Variants in GRIA1 observed in about 807,000 individuals in gnomAD.
GRIA1 encodes glutamate receptor 1.
Under a neutral mutation model 99.2 loss-of-function variants are expected in GRIA1, and 31 were observed. The ratio of observed to expected loss-of-function variants is 0.31; its 90% CI spans 0.23 to 0.42. GRIA1 has a LOEUF of 0.42. GRIA1 is among the 10% of genes least tolerant of loss of function. The probability of loss-of-function intolerance (pLI) is 1.00; values close to 1 mark genes in which losing one functional copy is unlikely to be tolerated. For synonymous variants in GRIA1, 438 were observed against 432.4 expected (o/e 1.01, Z -0.16); for missense variants, 782 against 1,157.5 (o/e 0.68, Z 4.71).
chr5:153,538,060 AATC>A (rs1758744212), intron 2 of GRIA1, among the ~76,000 whole-genome samples: 1 of 152,204 alleles, frequency 6.6e-6, no homozygotes, highest in Non-Finnish European at 1.5e-5. Context: ...GATTTGTTCT[AATC>A]ATCATCCTAT....
intron 11 of GRIA1, among the ~76,000 whole-genome samples, chr5:153,749,035 T>C (rs1029734747): frequency 6.6e-6 from 1 of 152,032 alleles, no homozygotes; most frequent in Non-Finnish European, 1.5e-5. Flanking sequence ...GGCTTGAGCT[T>C]TGGGCACAGC....
chr5:153,594,861 G>A lies in GRIA1; in HGVS notation c.221-52067G>A, dbSNP rs561998367. 1.3e-4 allele frequency among the ~76,000 whole-genome samples: 19 copies of A among 151,956 alleles called. 2 individuals carry two copies. Among genetic ancestry groups the A allele is most frequent in the African/African-American group, 4.6e-4 (19 of 41,448 alleles). ...CCTGGCTGCATAGGCTAGGGCAGGG[G>A]CTCTGGGGCTTTCCACCAGGTTTTA... On this transcript the variant is annotated intron_variant, in intron 2 of 15. Coordinates refer to ENST00000285900, the MANE Select transcript of GRIA1 (RefSeq NM_000827.4).
intron 4 of GRIA1, among the ~76,000 whole-genome samples, chr5:153,654,065 C>T (rs532467227): frequency 8.1e-4 from 123 of 152,266 alleles, no homozygotes; most frequent in Non-Finnish European, 1.4e-3. Context: ...ATATATTTAT[C>T]TGTTCACCTA....
At chr5:153,599,381 A>G (rs1024135629) in intron 2 of GRIA1, among the ~76,000 whole-genome samples, 1 of 152,200 alleles carries the variant, frequency 6.6e-6, no homozygotes, top group Non-Finnish European at 1.5e-5. Context: ...AATCTTGCTG[A>G]TGGCACTTAG....
chr5:153,574,405 G>A (rs1383373850), intron 2 of GRIA1: 2 of 151,930 alleles, frequency 1.3e-5, no homozygotes, highest in Admixed American at 1.3e-4. Flanking sequence ...AGGGTTTTTT[G>A]TTTTAATAAT....
chr5:153,645,962 T>C (rs762602998), intron 2 of GRIA1, among the ~76,000 whole-genome samples: 153 of 152,224 alleles, frequency 1.0e-3, no homozygotes, highest in Non-Finnish European at 1.8e-3. Context: ...TTTTTAGGCA[T>C]TGAAGATGGC....
At chr5:153,712,863 C>T (rs761399696) in intron 11 of GRIA1, among the ~76,000 whole-genome samples, 3 of 152,280 alleles carry the variant, frequency 2.0e-5, no homozygotes, top group Non-Finnish European at 2.9e-5. Context: ...TGTCCAAATG[C>T]AGGTTCTCAG....
At chr5:153,602,464 G>A (rs1247134602) in intron 2 of GRIA1, among the ~76,000 whole-genome samples, 2 of 151,630 alleles carry the variant, frequency 1.3e-5, no homozygotes, top group Admixed American at 6.6e-5. Flanking sequence ...ACACCAGCAT[G>A]GCACATGTAT....
At chr5:153,773,758 A>C (rs1461385913) in intron 13 of GRIA1, among the ~76,000 whole-genome samples, 3 of 152,188 alleles carry the variant, frequency 2.0e-5, no homozygotes, top group South Asian at 4.1e-4. Flanking sequence ...ACTGCAAGTC[A>C]AGAACACCCA....
At chr5:153,789,986 C>T (rs1226365895) in intron 13 of GRIA1, among the ~76,000 whole-genome samples, 1 of 152,156 alleles carries the variant, frequency 6.6e-6, no homozygotes, top group Non-Finnish European at 1.5e-5. Context: ...GTTGGAAATT[C>T]TATTATCCCA....
In GRIA1 at chr5:153,813,215, G is replaced by A. The variant is rs575927321; in HGVS notation, c.*1990G>A. On this transcript the variant is annotated 3_prime_UTR_variant, in exon 16 of 16. Transcript: ENST00000285900. Reference sequence around the variant, plus strand: ...GGATGATTGCTTTTAACTACTGCCAGCTGATGTCTCTCAGCCCCTGCCCTC... The same window carrying A: ...GGATGATTGCTTTTAACTACTGCCAACTGATGTCTCTCAGCCCCTGCCCTC... 5.9e-5 allele frequency: 9 copies of A among 152,338 alleles called. No individual in the cohort carries two copies. The highest frequency in any genetic ancestry group is 5.2e-4 in the Admixed American group (8 of 15,294). 9.4% of individuals were successfully genotyped at this position (152,338 alleles called of 1,614,324 possible). A position where few individuals can be genotyped will look rare whatever the true frequency, so the allele number is the denominator to read the frequency against.
chr5:153,614,018 C>T (rs1429888198), intron 2 of GRIA1, among the ~76,000 whole-genome samples: 1 of 152,186 alleles, frequency 6.6e-6, no homozygotes, highest in Non-Finnish European at 1.5e-5. Context: ...TGCCTTGGGG[C>T]CTTCACACCT....
intron 2 of GRIA1, among the ~76,000 whole-genome samples, chr5:153,587,826 T>C (rs1763626139): frequency 6.6e-6 from 1 of 152,136 alleles, no homozygotes; most frequent in African/African-American, 2.4e-5. Context: ...GGGGGCATAT[T>C]CTAGTGGGGC....
chr5:153,491,680 G>A (rs971449519), intron 1 of GRIA1, among the ~76,000 whole-genome samples: 2 of 151,942 alleles, frequency 1.3e-5, no homozygotes, highest in African/African-American at 4.8e-5. Context: ...CCTATCCACA[G>A]AGGTCTACCT....
rs181104295 is a variant in GRIA1, at chr5:153,582,894, G to A, written c.221-64034G>A. On this transcript the variant is annotated intron_variant, in intron 2 of 15. Coordinates refer to ENST00000285900, the MANE Select transcript of GRIA1 (RefSeq NM_000827.4). ...GCTCACTATAGCCTTGAACTCCTGG[G>A]CACAGCAATCATCCACCTGAGCCTC... Among the ~76,000 whole-genome samples the A allele has an allele frequency of 1.0e-3, 152 of 152,164 alleles. 4 individuals are homozygous for A. The highest frequency in any genetic ancestry group is 1.8e-3 in the Admixed American group (27 of 15,286).
At chr5:153,683,412 C>T (rs892786943) in intron 7 of GRIA1, among the ~76,000 whole-genome samples, 1 of 152,042 alleles carries the variant, frequency 6.6e-6, no homozygotes, top group African/African-American at 2.4e-5. Flanking sequence ...TACTGTGAAT[C>T]CTGGAGTCAA....
chr5:153,579,233 A>C lies in GRIA1; in HGVS notation c.221-67695A>C, dbSNP rs114990591. Among the ~76,000 whole-genome samples, 852 of 152,316 alleles carry C rather than the reference A, an allele frequency of 5.6e-3. 6 individuals are homozygous for C. The highest frequency in any genetic ancestry group is 0.02 in the African/African-American group (815 of 41,570). On this transcript the variant is annotated intron_variant, in intron 2 of 15. Transcript: ENST00000285900. ...GAACAGGTAAGATAACTGGCCATAAAATGCTTTGAAAACCCTATGCTAATA... is the reference window on the plus strand; with the variant it reads ...GAACAGGTAAGATAACTGGCCATAACATGCTTTGAAAACCCTATGCTAATA...
chr5:153,796,090 T>C (rs1002256274), intron 14 of GRIA1, among the ~76,000 whole-genome samples: 1 of 151,756 alleles, frequency 6.6e-6, no homozygotes, highest in African/African-American at 2.4e-5. Context: ...GGATACCCTT[T>C]GGCTTACACA....
At chr5:153,640,208 T>G (rs911381207) in intron 2 of GRIA1, among the ~76,000 whole-genome samples, 4 of 152,226 alleles carry the variant, frequency 2.6e-5, no homozygotes, top group African/African-American at 7.2e-5. Context: ...TGGCTTTCAA[T>G]GCCTAGTAAT....
Sources: gnomAD v4.1 joint callset for allele counts (sites outside exome capture counted in the v4.1 genomes callset) on GRCh38, gnomAD v4.1.1 for gene constraint, MANE v1.5 for transcripts, NCBI Gene and HGNC (gene_info 2026-07-23, HGNC 2026-07-21) for gene names.